SV2C: variants seen among roughly 807,000 people sequenced by gnomAD.
The protein encoded by SV2C is solute carrier family 22 member B3.
In SV2C, 49 loss-of-function variants were observed where a neutral mutation model predicts 79.7. The observed-to-expected ratio is 0.61, with a 90% CI of 0.49 to 0.78. SV2C has a LOEUF of 0.78. Among genes scored for constraint, SV2C ranks in the 30% least tolerant of loss-of-function variants. The probability of loss-of-function intolerance (pLI) is 0.00; values close to 1 mark genes in which losing one functional copy is unlikely to be tolerated. For missense variants in SV2C, 833 were observed against 912.9 expected (o/e 0.91, Z 1.13); for synonymous variants, 334 against 333.2 (o/e 1.00, Z -0.03).
chr5:75,870,875 G>A, the SV2C span, among the ~76,000 whole-genome samples: 1 of 152,310 alleles, frequency 6.6e-6, no homozygotes, highest in East Asian at 1.9e-4. Flanking sequence ...TATTTAAACT[G>A]CTAAAGAAAT....
At chr5:76,019,707 A>G in the SV2C span, among the ~76,000 whole-genome samples, 1 of 152,278 alleles carries the variant, frequency 6.6e-6, no homozygotes, top group South Asian at 2.1e-4. Context: ...TGAATGAGAG[A>G]AAAAACATTA....
the SV2C span, chr5:75,911,104 G>A: frequency 6.8e-7 from 1 of 1,475,784 alleles, no homozygotes. Flanking sequence ...AGATAATTCT[G>A]AGATCAAGGA....
the SV2C span, among the ~76,000 whole-genome samples, chr5:75,863,307 C>T: frequency 6.6e-6 from 1 of 152,012 alleles, no homozygotes; most frequent in Non-Finnish European, 1.5e-5. Flanking sequence ...AACAAAAAAC[C>T]ACCTGTTCCC....
At chr5:76,139,403 T>C (rs1298896565) in intron 2 of SV2C, among the ~76,000 whole-genome samples, 1 of 152,202 alleles carries the variant, frequency 6.6e-6, no homozygotes. Flanking sequence ...GATTTCAAAT[T>C]CAGCTTTCTC....
the SV2C span, among the ~76,000 whole-genome samples, chr5:75,850,461 A>G: frequency 4.6e-5 from 7 of 152,164 alleles, no homozygotes; most frequent in African/African-American, 1.4e-4. Context: ...AATCAACAAC[A>G]TGAAATTAGA....
At chr5:76,112,532 AG>A (rs992474709) in intron 1 of SV2C, among the ~76,000 whole-genome samples, 4 of 152,014 alleles carry the variant, frequency 2.6e-5, no homozygotes, top group Non-Finnish European at 5.9e-5. Flanking sequence ...TCAGTAGGGG[AG>A]TGAGGTTTCC....
At chr5:76,173,156 A>T (rs1297144881) in intron 2 of SV2C, among the ~76,000 whole-genome samples, 1 of 149,408 alleles carries the variant, frequency 6.7e-6, no homozygotes, top group Non-Finnish European at 1.5e-5. Context: ...TTTCTTAAAA[A>T]AAATTACAAT....
At chr5:75,958,053 G>A in the SV2C span, among the ~76,000 whole-genome samples, 4 of 152,104 alleles carry the variant, frequency 2.6e-5, no homozygotes, top group South Asian at 2.1e-4. Context: ...AGCATAGCCC[G>A]TGGTGCTACA....
In SV2C at chr5:76,312,072, G is replaced by T. The variant is rs1312242199; in HGVS notation, c.2000+10527G>T. The stretch of plus-strand genomic sequence containing the variant: ...TTTCTCTCCCTGCTTTGTGAAAGTT[G>T]TAAATCTCTCAAAAGTCATAAATGT... On this transcript the variant is annotated intron_variant, in intron 12 of 12. Coordinates refer to ENST00000502798, the MANE Select transcript of SV2C (RefSeq NM_014979.4). Among the ~76,000 whole-genome samples, 3 of 152,184 alleles carry T rather than the reference G, an allele frequency of 2.0e-5. No individual in the cohort carries two copies. In the East Asian group the frequency reaches 5.8e-4, roughly 29 times the overall value.
the SV2C span, among the ~76,000 whole-genome samples, chr5:75,938,319 A>C: frequency 1.3e-5 from 2 of 152,176 alleles, no homozygotes; most frequent in African/African-American, 4.8e-5. Context: ...ATAGAAGTGC[A>C]TACATGTGTT....
At chr5:75,966,129 T>C in the SV2C span, among the ~76,000 whole-genome samples, 2 of 152,192 alleles carry the variant, frequency 1.3e-5, no homozygotes, top group Non-Finnish European at 1.5e-5. Context: ...GAGGAAAGTA[T>C]AGTGAAAAAG....
chr5:76,182,959 C>G (rs7447612), intron 2 of SV2C, among the ~76,000 whole-genome samples: 8 of 141,406 alleles, frequency 5.7e-5, no homozygotes, highest in Middle Eastern at 3.6e-3. Flanking sequence ...GAGAGAGAGA[C>G]AGAGAGAGAG....
chr5:76,194,929 G>A lies in SV2C; in HGVS notation c.591G>A (p.Val197=). The A allele has an allele frequency of 6.2e-7, 1 of 1,613,992 alleles. No individual in the cohort carries two copies. The highest frequency in any genetic ancestry group is 8.5e-7 in the Non-Finnish European group (1 of 1,179,918). Reference sequence around the variant, plus strand: ...TTCTGTGTGTTGCAGGCAGCATAGTGTACCTCGGGATGATGGTGGGGGCGT... The same window carrying A: ...TTCTGTGTGTTGCAGGCAGCATAGTATACCTCGGGATGATGGTGGGGGCGT... The part of the protein sequence containing the change: ...NSGSGWLGSI[V]YLGMMVGAFF... The change falls in exon 3 of 13, where the codon GTG becomes GTA. Residue 197 remains valine, a synonymous_variant. Transcript: ENST00000502798.
the SV2C span, chr5:76,075,642 C>G: frequency 3.9e-6 from 1 of 253,642 alleles, no homozygotes; most frequent in South Asian, 5.2e-5. Context: ...AGTGGCAGAT[C>G]CACACTTAGA....
rs549388277 is a variant in SV2C at position 76,151,882 on chromosome 5, C to T, written c.580+19552C>T. On this transcript the variant is annotated intron_variant, in intron 2 of 12. Transcript: ENST00000502798. ...GCTAAGAGGAAGCTGTCCAGGAAGG[C>T]GGTTGGAAATGGCTCCTGGGGCCTC... Among the ~76,000 whole-genome samples, 15 of 152,206 alleles carry T rather than the reference C, an allele frequency of 9.9e-5. No individual in the cohort carries two copies. In the Middle Eastern group the frequency reaches 0.017, roughly 173 times the overall value.
At position 76,257,284 on chromosome 5, in the gene SV2C, T is replaced by TAGTGTGTGTGTGGTATCTGTATG. The variant is rs769973469; in HGVS notation, c.914-27878_914-27877insAGTGTGTGTGTGGTATCTGTATG. On this transcript the variant is annotated intron_variant, in intron 4 of 12. Coordinates refer to ENST00000502798, the MANE Select transcript of SV2C (RefSeq NM_014979.4). ...GTGTATGTGTGTGTGTGTGTGTGTG[T>TAGTGTGTGTGTGGTATCTGTATG]GTGTGTAGTGTGTGTGTGGTATCTG... is the stretch of plus-strand genomic sequence containing the variant. 1.7e-4 allele frequency among the ~76,000 whole-genome samples: 24 copies of TAGTGTGTGTGTGGTATCTGTATG among 142,606 alleles called. No individual in the cohort carries two copies. The South Asian group carries it at 2.8e-3, about 17-fold the overall frequency. The allele number at this position is 142,606 out of a possible 152,430, so 93.6% of individuals were successfully genotyped here. A position where few individuals can be genotyped will look rare whatever the true frequency, so the allele number is the denominator to read the frequency against.
intron 4 of SV2C, among the ~76,000 whole-genome samples, chr5:76,223,491 A>ATATG (rs1745145487): frequency 8.3e-4 from 31 of 37,452 alleles, no homozygotes; most frequent in South Asian, 2.5e-3. Context: ...ATATATATAT[A>ATATG]TATATGTATA....
chr5:75,878,226 G>A, the SV2C span, among the ~76,000 whole-genome samples: 10 of 152,124 alleles, frequency 6.6e-5, no homozygotes, highest in East Asian at 1.9e-4. Flanking sequence ...TCTAAGTTTC[G>A]TAGAGTGTTT....
Position 76,131,948 on chromosome 5 carries a change from T to A in SV2C, c.198T>A (p.Asn66Lys). ...DDYYPAGETY[N>K]GEANDDEGSS... ...ACTACCCGGCTGGAGAAACCTATAA[T>A]GGTGAGGCCAACGATGACGAAGGCT... is the stretch of plus-strand genomic sequence containing the variant. Residue 66 changes from asparagine to lysine, a missense_variant, in exon 2 of 13, where the codon AAT becomes AAA. Coordinates refer to ENST00000502798, the MANE Select transcript of SV2C (RefSeq NM_014979.4). The A allele has an allele frequency of 6.2e-7, 1 of 1,613,976 alleles. No homozygotes were observed. Among genetic ancestry groups the A allele is most frequent in the African/African-American group, 1.3e-5 (1 of 74,992 alleles).
Sources: allele counts gnomAD v4.1 joint callset (sites outside exome capture counted in the v4.1 genomes callset), GRCh38; gene constraint gnomAD v4.1.1; transcripts MANE v1.5; gene names NCBI Gene and HGNC (gene_info 2026-07-23, HGNC 2026-07-21).